The following POC1B variants were observed in gnomAD, a reference collection of about 807,000 sequenced individuals.
POC1B encodes the protein POC1 centriolar protein B.
POC1B carries 44 observed loss-of-function variants against 60.6 expected under a neutral mutation model. The observed-to-expected ratio is 0.73, with a 90% CI of 0.57 to 0.93. The LOEUF is 0.93. Ranked by LOEUF, POC1B falls within the 40% of genes least tolerant of loss-of-function variation. POC1B has a pLI of 0.00. For synonymous variants in POC1B, 180 were observed against 198.9 expected, an observed-to-expected ratio of 0.90 and a Z score of 0.80; for missense variants, 555 against 572.3, an observed-to-expected ratio of 0.97 and a Z score of 0.31.
the POC1B span, among the ~76,000 whole-genome samples, chr12:89,412,363 T>C: frequency 4.0e-5 from 6 of 151,670 alleles, no homozygotes; most frequent in South Asian, 2.1e-4. Context: ...TTTTCTTTTT[T>C]TTTTTTTTGT....
intron 4 of POC1B, among the ~76,000 whole-genome samples, chr12:89,481,400 C>T (rs968157611): frequency 4.6e-5 from 7 of 152,136 alleles, no homozygotes; most frequent in Admixed American, 2.0e-4. Flanking sequence ...CATAGGGTTA[C>T]AAATCTTGAC....
chr12:89,410,694 G>T, the POC1B span, among the ~76,000 whole-genome samples: 1 of 147,456 alleles, frequency 6.8e-6, no homozygotes, highest in Admixed American at 6.8e-5. Context: ...AAAAAAAAAG[G>T]AAAAAGAAAA....
chr12:89,510,528 C>T (rs190231657), intron 2 of POC1B, among the ~76,000 whole-genome samples: 28 of 152,288 alleles, frequency 1.8e-4, no homozygotes, highest in African/African-American at 6.5e-4. Flanking sequence ...CTCTGCTGTG[C>T]AGCAGGAAAA....
chr12:89,424,899 TAC>T (rs1880693625), intron 11 of POC1B, among the ~76,000 whole-genome samples: 1 of 152,160 alleles, frequency 6.6e-6, no homozygotes, highest in Non-Finnish European at 1.5e-5. Flanking sequence ...TTACTCCCAA[TAC>T]ATTTTTCTTA....
At chr12:89,443,294 AT>A (rs1881614346) in intron 10 of POC1B, among the ~76,000 whole-genome samples, 1 of 152,250 alleles carries the variant, frequency 6.6e-6, no homozygotes, top group African/African-American at 2.4e-5. Flanking sequence ...AATCAACAGA[AT>A]ATACATTTTT....
At chr12:89,518,880 T>C (rs190150158) in intron 2 of POC1B, among the ~76,000 whole-genome samples, 16 of 152,166 alleles carry the variant, frequency 1.1e-4, no homozygotes, top group African/African-American at 3.4e-4. Flanking sequence ...GTCACCTATA[T>C]ATATGCTAAA....
chr12:89,423,862 A>C (rs1465365884), intron 11 of POC1B, among the ~76,000 whole-genome samples: 1 of 152,232 alleles, frequency 6.6e-6, no homozygotes, highest in African/African-American at 2.4e-5. Context: ...AAGAACAGGG[A>C]ATGGAAGGAT....
At chr12:89,418,129 G>C (rs1880396412), downstream of POC1B, among the ~76,000 whole-genome samples, 1 of 152,130 alleles carries the variant, frequency 6.6e-6, no homozygotes, top group East Asian at 1.9e-4. Flanking sequence ...TGAATGGAGG[G>C]TCACTTGGGC....
chr12:89,431,175 G>A (rs1270744362), intron 10 of POC1B, among the ~76,000 whole-genome samples: 1 of 152,054 alleles, frequency 6.6e-6, no homozygotes, highest in Non-Finnish European at 1.5e-5. Flanking sequence ...CATTCAATCA[G>A]TTGGTTAAAA....
chr12:89,421,073 T>A lies in POC1B; in HGVS notation c.*80A>T. The A allele has an allele frequency of 1.8e-6, 2 of 1,097,544 alleles. No individual in the cohort carries two copies. Among genetic ancestry groups the A allele is most frequent in the Non-Finnish European group, 2.6e-6 (2 of 758,426 alleles). 68.0% of individuals were successfully genotyped at this position (1,097,544 alleles called of 1,614,324 possible). A position where few individuals can be genotyped will look rare whatever the true frequency, so the allele number is the denominator to read the frequency against. On this transcript the variant is annotated 3_prime_UTR_variant, in exon 12 of 12. Transcript: ENST00000313546. ...GCACATGGTTGTGTTGTATGGAGTA[T>A]CTTGTACTACCTTCCTGAGTGTATG...
At chr12:89,446,599 T>C (rs1881799528) in intron 10 of POC1B, among the ~76,000 whole-genome samples, 1 of 152,006 alleles carries the variant, frequency 6.6e-6, no homozygotes, top group African/African-American at 2.4e-5. Context: ...CTGGGGCTTG[T>C]CGTGGGATGG....
chr12:89,518,420 A>G (rs1870574663), intron 2 of POC1B, among the ~76,000 whole-genome samples: 1 of 152,258 alleles, frequency 6.6e-6, no homozygotes, highest in Non-Finnish European at 1.5e-5. Context: ...TAGCATGCAC[A>G]GAGGCATGCA....
At chr12:89,460,747 T>C (rs1212895998) in intron 9 of POC1B, 1 of 152,152 alleles carries the variant, frequency 6.6e-6, no homozygotes, top group Non-Finnish European at 1.5e-5. Flanking sequence ...TCAATATAAT[T>C]CCATTTACAT....
chr12:89,418,757 T>C (rs1880413795), downstream of POC1B, among the ~76,000 whole-genome samples: 1 of 152,202 alleles, frequency 6.6e-6, no homozygotes, highest in Non-Finnish European at 1.5e-5. Context: ...TCTCCTTCAC[T>C]TTCCACCATG....
intron 7 of POC1B, among the ~76,000 whole-genome samples, chr12:89,468,889 A>C (rs1882784197): frequency 1.8e-4 from 2 of 11,346 alleles, no homozygotes; most frequent in African/African-American, 8.9e-4. Flanking sequence ...AAGTACCTCA[A>C]AAAAAAAAAG....
chr12:89,429,147 G>A (rs1419099025), intron 10 of POC1B: 2 of 152,096 alleles, frequency 1.3e-5, no homozygotes, highest in African/African-American at 2.4e-5. Flanking sequence ...AGCTCCAATA[G>A]GTTTTCTTGT....
Position 89,503,769 on chromosome 12 carries a change from C to T in POC1B, c.101-6427G>A, listed in dbSNP as rs1268668861. 1.2e-3 allele frequency among the ~76,000 whole-genome samples: 150 copies of T among 125,660 alleles called. 1 individual carries two copies. The highest frequency in any genetic ancestry group is 4.8e-3 in the African/African-American group (148 of 31,154). 82.4% of individuals were successfully genotyped at this position (125,660 alleles called of 152,430 possible). ...GAGGAGCCCCTCCGCCCGGCAGCCG[C>T]CCCATCTGAGAAGTGAGGAGCCCCT... On this transcript the variant is annotated intron_variant, in intron 2 of 11. Coordinates refer to ENST00000313546, the MANE Select transcript of POC1B (RefSeq NM_172240.3).
In POC1B at chr12:89,502,251, A is replaced by G. The variant is rs367814474; in HGVS notation, c.101-4909T>C. On this transcript the variant is annotated intron_variant, in intron 2 of 11. Transcript: ENST00000313546. ...TTCCTGGAAGTTCAGATGACTCAAA[A>G]CGAACTAAAGTGATACCAAAGAACA... 9.0e-6 allele frequency: 13 copies of G among 1,440,202 alleles called. No individual in the cohort carries two copies. In the East Asian group the frequency reaches 1.4e-4, roughly 15 times the overall value. The allele number at this position is 1,440,202 out of a possible 1,614,324, so 89.2% of individuals were successfully genotyped here. A position where few individuals can be genotyped will look rare whatever the true frequency, so the allele number is the denominator to read the frequency against.
chr12:89,470,294 C>T, intron 7 of POC1B, 67 bp downstream of exon 7: 1 of 918,064 alleles, frequency 1.1e-6, no homozygotes, highest in Non-Finnish European at 1.4e-6. Flanking sequence ...AAAAATGGAT[C>T]AGAAATTTAA....
Sources: allele counts gnomAD v4.1 joint callset (sites outside exome capture counted in the v4.1 genomes callset), GRCh38; gene constraint gnomAD v4.1.1; transcripts MANE v1.5; gene names NCBI Gene and HGNC (gene_info 2026-07-23, HGNC 2026-07-21).